CCND3: variants seen among roughly 807,000 people sequenced by gnomAD.
The protein encoded by CCND3 is G1/S-specific cyclin-D3.
CCND3 carries 9 observed loss-of-function variants against 28.7 expected under a neutral mutation model. That is an observed-to-expected ratio of 0.31 (90% CI 0.19 to 0.55). The LOEUF is 0.55. CCND3 is among the 20% of genes least tolerant of loss of function. CCND3 has a pLI of 0.93. For synonymous variants in CCND3, 164 were observed against 163.9 expected (o/e 1.00, Z 0.00); for missense variants, 315 against 385.8 (o/e 0.82, Z 1.54).
intron 1 of CCND3, 168 bp from the exon 2 acceptor site, chr6:41,940,753 G>A: frequency 1.3e-6 from 1 of 754,684 alleles, no homozygotes; most frequent in Admixed American, 2.1e-5. Flanking sequence ...TCCCCAAGGT[G>A]ACGCCCCCCA....
intron 1 of CCND3, chr6:41,940,929 A>AT: frequency 1.2e-6 from 2 of 1,603,934 alleles, no homozygotes; most frequent in Non-Finnish European, 1.7e-6. Flanking sequence ...CCTCACCCCC[A>AT]TCACCGCCAC....
intron 1 of CCND3, among the ~76,000 whole-genome samples, chr6:41,964,180 G>A (rs1761790210): frequency 6.6e-6 from 1 of 152,184 alleles, no homozygotes; most frequent in South Asian, 2.1e-4. Context: ...CACATACCAG[G>A]CACCCAGAGA....
chr6:41,996,669 C>T (rs1762816389), intron 1 of CCND3, among the ~76,000 whole-genome samples: 1 of 24,626 alleles, frequency 4.1e-5, no homozygotes, highest in African/African-American at 1.3e-4. Context: ...AAAAATCTTA[C>T]CTTTTTTTTT....
In CCND3 at chr6:41,935,712, G is replaced by C. The variant is rs534906902; in HGVS notation, c.*228C>G. 1.8e-6 allele frequency: 1 copy of C among 553,260 alleles called. No individual in the cohort carries two copies. The highest frequency in any genetic ancestry group is 3.3e-6 in the Non-Finnish European group (1 of 307,202). 34.3% of individuals were successfully genotyped at this position (553,260 alleles called of 1,614,324 possible). ...AGCTAGAGTTGGGAAAGGCGCTGCT[G>C]GTCAGATGCAGGGAGGAGGAGCTTG... On this transcript the variant is annotated 3_prime_UTR_variant, in exon 5 of 5. Coordinates refer to ENST00000372991, the MANE Select transcript of CCND3 (RefSeq NM_001760.5).
intron 1 of CCND3, among the ~76,000 whole-genome samples, chr6:41,956,671 C>T (rs982865880): frequency 6.6e-6 from 1 of 152,186 alleles, no homozygotes; most frequent in African/African-American, 2.4e-5. Flanking sequence ...TCTAAATATT[C>T]TGCCTTAGAA....
At position 41,976,041 on chromosome 6, in the gene CCND3, T is replaced by TA. The variant is rs964279779; in HGVS notation, c.-45-35457dup. 4.0e-5 allele frequency among the ~76,000 whole-genome samples: 6 copies of TA among 151,342 alleles called. 1 individual carries two copies. The highest frequency in any genetic ancestry group is 5.9e-5 in the Non-Finnish European group (4 of 67,802). On this transcript the variant is annotated intron_variant, in intron 1 of 4. Coordinates refer to the CCND3 transcript ENST00000372988. Reference sequence around the variant, plus strand: ...GCAACATACCAAGACTCTGTCTCTATAAAAAAAAATTTTAAATTAGCTGGG... The same window carrying TA: ...GCAACATACCAAGACTCTGTCTCTATAAAAAAAAAATTTTAAATTAGCTGGG...
At chr6:41,957,358 A>G (rs542919617) in intron 1 of CCND3, among the ~76,000 whole-genome samples, 3 of 152,340 alleles carry the variant, frequency 2.0e-5, no homozygotes, top group Admixed American at 2.0e-4. Flanking sequence ...AGGCCCCAGC[A>G]GCCCTAACCA....
chr6:42,013,628 C>G (rs1763403743), intron 1 of CCND3, among the ~76,000 whole-genome samples: 1 of 152,212 alleles, frequency 6.6e-6, no homozygotes, highest in Non-Finnish European at 1.5e-5. Context: ...GATTGCTTTG[C>G]AGAATCCTTT....
At chr6:41,966,635 A>G (rs1405477697) in intron 1 of CCND3, among the ~76,000 whole-genome samples, 1 of 152,124 alleles carries the variant, frequency 6.6e-6, no homozygotes, top group African/African-American at 2.4e-5. Flanking sequence ...ACCACAGTCT[A>G]TCAGTAAACT....
chr6:41,936,052 C>T lies in CCND3; in HGVS notation c.767G>A (p.Arg256Lys), dbSNP rs2127389666. Residue 256 changes from arginine to lysine, a missense_variant, in exon 5 of 5, where the codon AGG becomes AAG. Arg to Lys is a conservative substitution (Grantham distance 26, BLOSUM62 2). Transcript: ENST00000372991. This position sits in a 1 kb window ranked among gnomAD's most constrained non-coding sequence, Gnocchi z 4.4. ...QIEAALRESL[R>K]EASQTSSSPA... The stretch of plus-strand genomic sequence containing the variant: ...GCTGGAGCTGGTCTGAGAGGCTTCC[C>T]TGAGGCTCTCCCTGAGTGCAGCTTC... The T allele has an allele frequency of 6.2e-7, 1 of 1,612,760 alleles. No homozygotes were observed. Among genetic ancestry groups the T allele is most frequent in the African/African-American group, 1.3e-5 (1 of 75,018 alleles).
At chr6:42,046,111 C>T (rs992932424) in intron 1 of CCND3, among the ~76,000 whole-genome samples, 2 of 152,242 alleles carry the variant, frequency 1.3e-5, no homozygotes, top group South Asian at 4.1e-4. Context: ...ATCCCTTTCT[C>T]AAAGACAGAT....
chr6:42,020,509 T>C (rs537060476), intron 1 of CCND3, among the ~76,000 whole-genome samples: 25 of 152,160 alleles, frequency 1.6e-4, no homozygotes, highest in South Asian at 4.1e-4. Flanking sequence ...CTTGGGATGA[T>C]GGTGAGGGGC....
chr6:42,044,782 CTTTT>C (rs1764481405), intron 1 of CCND3, among the ~76,000 whole-genome samples: 1 of 62,330 alleles, frequency 1.6e-5, no homozygotes, highest in African/African-American at 4.7e-5. Context: ...TCTTTCTTTC[CTTTT>C]ATTTATTTAT....
intron 1 of CCND3, among the ~76,000 whole-genome samples, chr6:41,987,497 CTCTCTCTCTCTCTCTCTCTCTGTGTGTG>C (rs1019195964): frequency 2.4e-5 from 2 of 82,970 alleles, no homozygotes; most frequent in Non-Finnish European, 4.7e-5. Flanking sequence ...CTCTCTCTCT[CTCTCTCTCTCTCTCTCTCTCTGTGTGTG>C]TGTGTGTGTG....
intron 1 of CCND3, among the ~76,000 whole-genome samples, chr6:42,047,825 C>A (rs1275709674): frequency 6.6e-6 from 1 of 152,172 alleles, no homozygotes; most frequent in African/African-American, 2.4e-5. Flanking sequence ...CTCAAATGTC[C>A]TTTTCTCTCT....
At chr6:41,950,565 A>G (rs572013798) in intron 1 of CCND3, among the ~76,000 whole-genome samples, 2 of 152,304 alleles carry the variant, frequency 1.3e-5, no homozygotes, top group South Asian at 2.1e-4. Context: ...TAGCTGTCCC[A>G]GGCTCATAGT....
chr6:41,981,518 C>T (rs1762347164), intron 1 of CCND3, among the ~76,000 whole-genome samples: 1 of 143,340 alleles, frequency 7.0e-6, no homozygotes, highest in African/African-American at 2.5e-5. Flanking sequence ...CCACCACGCC[C>T]AGCCTATTTA....
intron 1 of CCND3, among the ~76,000 whole-genome samples, chr6:42,027,609 A>C (rs190868044): frequency 9.9e-5 from 15 of 151,968 alleles, no homozygotes; most frequent in African/African-American, 3.4e-4. Flanking sequence ...GGCCAACCCA[A>C]CCCATGGGGA....
chr6:42,031,642 T>C (rs542518347), intron 1 of CCND3, among the ~76,000 whole-genome samples: 1 of 152,316 alleles, frequency 6.6e-6, no homozygotes, highest in South Asian at 2.1e-4. Context: ...CTTTTAGTTC[T>C]GCTCCCCCAA....
Sources: gnomAD v4.1 joint callset for allele counts (sites outside exome capture counted in the v4.1 genomes callset) on GRCh38, gnomAD v4.1.1 for gene constraint, Gnocchi (gnomAD v3.1) non-coding constraint, MANE v1.5 for transcripts, NCBI Gene and HGNC (gene_info 2026-07-23, HGNC 2026-07-21) for gene names.